The following NEK6 variants were observed in gnomAD, a reference collection of about 807,000 sequenced individuals.
NEK6 encodes NIMA related kinase 6.
A neutral mutation model predicts 43.5 loss-of-function variants in NEK6; 27 were observed. The observed-to-expected ratio is 0.62, with a 90% confidence interval of 0.46 to 0.86. The LOEUF (loss-of-function observed/expected upper bound fraction) is 0.86. Among genes scored for constraint, NEK6 ranks in the 40% least tolerant of loss-of-function variants. The pLI is 0.00. For synonymous variants in NEK6, 167 were observed against 164.1 expected, an observed-to-expected ratio of 1.02 and a Z score of -0.14; for missense variants, 318 against 414.4, an observed-to-expected ratio of 0.77 and a Z score of 2.02.
chr9:124,312,025 G>GGGGAACGGCTGCCCCAGGAA (rs1308038513), intron 2 of NEK6, among the ~76,000 whole-genome samples: 2 of 152,220 alleles, frequency 1.3e-5, no homozygotes, highest in African/African-American at 4.8e-5. Flanking sequence ...TGTCTGAGAT[G>GGGGAACGGCTGCCCCAGGAA]GGGAACGGCT....
At chr9:124,310,565 G>T (rs916810293) in intron 2 of NEK6, among the ~76,000 whole-genome samples, 4 of 152,208 alleles carry the variant, frequency 2.6e-5, no homozygotes, top group African/African-American at 9.6e-5. Flanking sequence ...CCGCAGGAGG[G>T]TGTTCTGTAG....
At chr9:124,262,600 G>A (rs1033790322) in intron 1 of NEK6, among the ~76,000 whole-genome samples, 1 of 152,252 alleles carries the variant, frequency 6.6e-6, no homozygotes, top group African/African-American at 2.4e-5. Context: ...CAGGATCACA[G>A]CACCCCACCA....
At chr9:124,322,434 C>G (rs1834114501) in intron 5 of NEK6, among the ~76,000 whole-genome samples, 1 of 152,212 alleles carries the variant, frequency 6.6e-6, no homozygotes, top group African/African-American at 2.4e-5. Context: ...CTCCTGCCAG[C>G]CTCCACCCAG....
At chr9:124,290,515 C>T (rs1832370328) in intron 1 of NEK6, among the ~76,000 whole-genome samples, 1 of 152,274 alleles carries the variant, frequency 6.6e-6, no homozygotes, top group Admixed American at 6.5e-5. Context: ...TGCTGTATGC[C>T]TGTGTCAGTC....
At position 124,350,909 on chromosome 9, in the gene NEK6, G is replaced by T; in HGVS notation, c.904G>T (p.Val302Leu). 6.2e-7 allele frequency: 1 copy of T among 1,611,390 alleles called. No homozygotes were observed. Among genetic ancestry groups the T allele is most frequent in the Non-Finnish European group, 8.5e-7 (1 of 1,179,948 alleles). ...QRPDIGYVHQ[V>L]AKQMHIWMSS... Reference sequence around the variant, plus strand: ...ACCTGACATCGGATACGTGCACCAGGTGGCCAAGCAGATGCACATCTGGAT... The same window carrying T: ...ACCTGACATCGGATACGTGCACCAGTTGGCCAAGCAGATGCACATCTGGAT... The change falls in exon 10 of 10, where the codon GTG becomes TTG. Residue 302 changes from valine to leucine, a missense_variant. Around this residue, in one of 2 missense-constraint regions of NEK6, gnomAD observed 79 missense variants for 70.0 expected, o/e 1.13. Coordinates refer to ENST00000320246, the MANE Select transcript of NEK6 (RefSeq NM_014397.6).
At chr9:124,344,988 GTGTC>G (rs2131080151) in intron 8 of NEK6, among the ~76,000 whole-genome samples, 1 of 152,348 alleles carries the variant, frequency 6.6e-6, no homozygotes, top group Non-Finnish European at 1.5e-5. Context: ...GACAAGATGG[GTGTC>G]TGAGGCCCTG....
intron 1 of NEK6, among the ~76,000 whole-genome samples, chr9:124,264,469 A>G (rs562898335): frequency 6.6e-6 from 1 of 152,306 alleles, no homozygotes; most frequent in Admixed American, 6.5e-5. Flanking sequence ...CAACTTTAGG[A>G]TTAGAATTCT....
At chr9:124,305,547 C>A (rs1469270107) in intron 2 of NEK6, among the ~76,000 whole-genome samples, 2 of 134,962 alleles carry the variant, frequency 1.5e-5, no homozygotes, top group African/African-American at 2.6e-5. Flanking sequence ...GAGTGAGACC[C>A]CATCTCAAAA....
chr9:124,286,262 A>T (rs534630309), intron 1 of NEK6, among the ~76,000 whole-genome samples: 12 of 152,248 alleles, frequency 7.9e-5, no homozygotes, highest in African/African-American at 2.6e-4. Flanking sequence ...TTAAAGCTCT[A>T]TAGGATCCTC....
chr9:124,284,908 TCTG>T (rs1347216749), intron 1 of NEK6, among the ~76,000 whole-genome samples: 2 of 152,144 alleles, frequency 1.3e-5, no homozygotes, highest in Non-Finnish European at 2.9e-5. Flanking sequence ...AGTTTCCCTA[TCTG>T]CAAAATGAAG....
At chr9:124,313,793 A>AGG in intron 3 of NEK6, 130 bp from the exon 4 acceptor site, 3 of 821,110 alleles carry the variant, frequency 3.7e-6, no homozygotes, top group East Asian at 2.7e-5. Context: ...CTGGGAGTGC[A>AGG]GGGGGGGGTC....
chr9:124,267,305 C>A (rs1831267403), intron 1 of NEK6, among the ~76,000 whole-genome samples: 1 of 152,260 alleles, frequency 6.6e-6, no homozygotes, highest in South Asian at 2.1e-4. Context: ...CACCACATGG[C>A]ACACAGAAGA....
At chr9:124,257,834 C>G, upstream of NEK6, 2 of 1,117,318 alleles carry the variant, frequency 1.8e-6, no homozygotes, top group Non-Finnish European at 2.3e-6. Flanking sequence ...GGAAGGACGC[C>G]GCCGGGGCGC....
intron 7 of NEK6, among the ~76,000 whole-genome samples, chr9:124,336,995 CAAAAA>C (rs61536283): frequency 7.8e-6 from 1 of 127,506 alleles, no homozygotes; most frequent in Non-Finnish European, 1.7e-5. Flanking sequence ...GACTCTGTCT[CAAAAA>C]AAAAAAAAAA....
intron 4 of NEK6, among the ~76,000 whole-genome samples, chr9:124,314,635 C>T (rs1426499798): frequency 1.3e-5 from 2 of 151,946 alleles, no homozygotes; most frequent in Non-Finnish European, 2.9e-5. Flanking sequence ...GGACCACAGG[C>T]GCATGCCACC....
intron 1 of NEK6, among the ~76,000 whole-genome samples, chr9:124,268,812 G>A (rs951927963): frequency 6.6e-6 from 1 of 152,130 alleles, no homozygotes; most frequent in African/African-American, 2.4e-5. Flanking sequence ...TTTATGTCTC[G>A]ATATTCTGAA....
At chr9:124,347,932 C>T (rs759814056) in intron 9 of NEK6, 110 bp downstream of exon 9, 10 of 660,402 alleles carry the variant, frequency 1.5e-5, no homozygotes, top group Non-Finnish European at 2.4e-5. Flanking sequence ...TCACTTTACA[C>T]GGTGCAGAAA....
At chr9:124,316,964 C>G (rs1353393540) in intron 4 of NEK6, among the ~76,000 whole-genome samples, 2 of 152,136 alleles carry the variant, frequency 1.3e-5, no homozygotes, top group Non-Finnish European at 2.9e-5. Flanking sequence ...GGGGAGTCCT[C>G]CCTGAGAGGT....
chr9:124,292,670 C>A, intron 1 of NEK6: 1 of 1,306,070 alleles, frequency 7.7e-7, no homozygotes, highest in Non-Finnish European at 1.0e-6. Flanking sequence ...TAAGCCCCAG[C>A]CTCTCCCCAG....
Sources: gnomAD v4.1 joint callset for allele counts (sites outside exome capture counted in the v4.1 genomes callset) on GRCh38, gnomAD v4.1.1 for gene constraint, gnomAD v4.1.1 regional missense constraint, MANE v1.5 for transcripts, NCBI Gene and HGNC (gene_info 2026-07-23, HGNC 2026-07-21) for gene names.